Variants in JPH1 observed in about 807,000 individuals in gnomAD.
The protein encoded by JPH1 is junctophilin-1.
JPH1 carries 12 observed loss-of-function variants against 53.6 expected under a neutral mutation model. That is an observed-to-expected ratio of 0.22 (90% CI 0.14 to 0.36). The LOEUF is 0.36. JPH1 is among the 10% of genes least tolerant of loss of function. JPH1 has a pLI of 1.00. For synonymous variants in JPH1, 375 were observed against 363.8 expected, an observed-to-expected ratio of 1.03 and a Z score of -0.35; for missense variants, 808 against 905.5, an observed-to-expected ratio of 0.89 and a Z score of 1.38.
chr8:74,267,359 G>A (rs746483795), intron 2 of JPH1, among the ~76,000 whole-genome samples: 2 of 152,170 alleles, frequency 1.3e-5, no homozygotes, highest in Non-Finnish European at 2.9e-5. Context: ...ACATACAGGT[G>A]GAAGGGGAAC....
At chr8:74,284,189 A>G (rs1035906992) in intron 2 of JPH1, among the ~76,000 whole-genome samples, 3 of 152,252 alleles carry the variant, frequency 2.0e-5, no homozygotes, top group African/African-American at 7.2e-5. Context: ...GCTTACATGC[A>G]TAACACATTT....
chr8:74,292,652 A>AAAAC (rs201720778), intron 2 of JPH1, among the ~76,000 whole-genome samples: 7,766 of 152,166 alleles, frequency 0.051, 408 homozygotes, highest in African/African-American at 0.14. Flanking sequence ...CTGCTGTTAA[A>AAAAC]AAACAAACAA....
chr8:74,283,027 AAC>A (rs1465177701), intron 2 of JPH1, among the ~76,000 whole-genome samples: 2 of 152,292 alleles, frequency 1.3e-5, no homozygotes, highest in Non-Finnish European at 2.9e-5. Flanking sequence ...TGACTTTTAA[AAC>A]ACAGTTAAAC....
At chr8:74,287,959 A>ATT (rs201505792) in intron 2 of JPH1, among the ~76,000 whole-genome samples, 72 of 148,986 alleles carry the variant, frequency 4.8e-4, no homozygotes, top group African/African-American at 1.7e-3. Context: ...AGCTGACAAT[A>ATT]TTTTTTTTTT....
intron 3 of JPH1, among the ~76,000 whole-genome samples, chr8:74,250,834 C>G (rs867111924): frequency 2.0e-5 from 3 of 152,106 alleles, no homozygotes; most frequent in Non-Finnish European, 4.4e-5. Context: ...CCAAAGCTCA[C>G]CAGACTGACG....
chr8:74,286,189 T>A (rs1336671051), intron 2 of JPH1, among the ~76,000 whole-genome samples: 1 of 152,228 alleles, frequency 6.6e-6, no homozygotes, highest in Non-Finnish European at 1.5e-5. Context: ...GACTGTCACC[T>A]TACACATTTC....
intron 4 of JPH1, among the ~76,000 whole-genome samples, chr8:74,242,988 C>T (rs1805740947): frequency 6.6e-6 from 1 of 152,194 alleles, no homozygotes; most frequent in South Asian, 2.1e-4. Context: ...CCCCCTATCA[C>T]AGCCTAATGT....
At chr8:74,285,160 C>A (rs1057455104) in intron 2 of JPH1, among the ~76,000 whole-genome samples, 2 of 151,840 alleles carry the variant, frequency 1.3e-5, no homozygotes, top group African/African-American at 2.4e-5. Flanking sequence ...TTTTTTTAAA[C>A]CAACAGGCAT....
At chr8:74,284,046 G>A (rs903038046) in intron 2 of JPH1, among the ~76,000 whole-genome samples, 12 of 152,116 alleles carry the variant, frequency 7.9e-5, no homozygotes, top group Non-Finnish European at 1.8e-4. Flanking sequence ...TTGGACCCAG[G>A]AGTCCTCCTG....
chr8:74,247,624 A>G (rs1489200395), intron 3 of JPH1, among the ~76,000 whole-genome samples: 2 of 152,186 alleles, frequency 1.3e-5, no homozygotes, highest in African/African-American at 4.8e-5. Flanking sequence ...AGTTGGAGGG[A>G]AAAGGTAAAG....
intron 4 of JPH1, among the ~76,000 whole-genome samples, chr8:74,243,156 T>C (rs893021011): frequency 2.6e-5 from 4 of 152,238 alleles, no homozygotes; most frequent in Admixed American, 1.3e-4. Flanking sequence ...CGAGGCCTTA[T>C]TAACCTGGGG....
intron 1 of JPH1, among the ~76,000 whole-genome samples, chr8:74,317,317 G>A (rs922520613): frequency 6.6e-6 from 1 of 152,224 alleles, no homozygotes; most frequent in African/African-American, 2.4e-5. Context: ...TACTGTAAAT[G>A]TCATATTCTG....
intron 3 of JPH1, among the ~76,000 whole-genome samples, chr8:74,258,260 A>T (rs551718182): frequency 6.6e-6 from 1 of 152,336 alleles, no homozygotes; most frequent in East Asian, 1.9e-4. Flanking sequence ...CTTTTAACAT[A>T]AATTGAAAAC....
chr8:74,248,474 C>T (rs1259642036), intron 3 of JPH1, among the ~76,000 whole-genome samples: 4 of 152,110 alleles, frequency 2.6e-5, no homozygotes, highest in African/African-American at 9.7e-5. Flanking sequence ...AACAAATGAT[C>T]CGAGTGATTC....
Position 74,235,415 on chromosome 8 carries a change from G to C in JPH1, c.*1636C>G, listed in dbSNP as rs949896421. ...ATCACTGGGTTACTACCCTGCAGGT[G>C]ACAAAGCACTCAGTCCACATCTGTG... On this transcript the variant is annotated 3_prime_UTR_variant, in exon 6 of 6. Coordinates refer to ENST00000342232, the MANE Select transcript of JPH1 (RefSeq NM_020647.4). 2.0e-5 allele frequency: 3 copies of C among 152,372 alleles called. No homozygotes were observed. Among genetic ancestry groups the C allele is most frequent in the African/African-American group, 7.3e-5 (3 of 41,370 alleles). The allele number at this position is 152,372 out of a possible 1,614,324, so 9.4% of individuals were successfully genotyped here.
chr8:74,260,892 G>C (rs568921006), intron 2 of JPH1, among the ~76,000 whole-genome samples: 1 of 152,304 alleles, frequency 6.6e-6, no homozygotes, highest in Admixed American at 6.5e-5. Context: ...GTGAAGATTG[G>C]AATTTTTAAT....
intron 3 of JPH1, among the ~76,000 whole-genome samples, chr8:74,258,349 T>C (rs1410138582): frequency 6.6e-6 from 1 of 152,228 alleles, no homozygotes; most frequent in Non-Finnish European, 1.5e-5. Flanking sequence ...AGGTGAATAT[T>C]GCCTTTTTGA....
At chr8:74,243,956 T>A (rs1405587547) in intron 4 of JPH1, among the ~76,000 whole-genome samples, 2 of 152,206 alleles carry the variant, frequency 1.3e-5, no homozygotes, top group Non-Finnish European at 2.9e-5. Flanking sequence ...TCTCTTGAAC[T>A]GTTGGAAATT....
At chr8:74,284,950 G>A (rs1304909048) in intron 2 of JPH1, among the ~76,000 whole-genome samples, 1 of 151,546 alleles carries the variant, frequency 6.6e-6, no homozygotes, top group Non-Finnish European at 1.5e-5. Flanking sequence ...TCAGCCTCCT[G>A]AGTAGCTGGG....
Sources: gnomAD v4.1 joint callset for allele counts (sites outside exome capture counted in the v4.1 genomes callset) on GRCh38, gnomAD v4.1.1 for gene constraint, MANE v1.5 for transcripts, NCBI Gene and HGNC (gene_info 2026-07-23, HGNC 2026-07-21) for gene names.